MAF: variants seen among roughly 807,000 people sequenced by gnomAD.
MAF encodes the protein transcription factor Maf.
In MAF, 10 loss-of-function variants were observed where a neutral mutation model predicts 22.0. The observed-to-expected ratio is 0.45, with a 90% CI of 0.28 to 0.77. MAF has a LOEUF of 0.77. MAF is among the 30% of genes least tolerant of loss of function. MAF has a pLI of 0.12. For missense variants in MAF, 544 were observed against 548.4 expected, an observed-to-expected ratio of 0.99 and a Z score of 0.08; for synonymous variants, 337 against 255.8, an observed-to-expected ratio of 1.32 and a Z score of -3.03.
At chr16:79,380,812 C>A in the MAF span, among the ~76,000 whole-genome samples, 1 of 152,220 alleles carries the variant, frequency 6.6e-6, no homozygotes, top group Non-Finnish European at 1.5e-5. Flanking sequence ...GCCATTGACC[C>A]TACAGCTGTG....
the MAF span, among the ~76,000 whole-genome samples, chr16:79,466,890 G>A: frequency 6.6e-6 from 1 of 152,148 alleles, no homozygotes; most frequent in Non-Finnish European, 1.5e-5. Context: ...ACGGATCTGT[G>A]GCTTTTACCA....
chr16:79,402,826 G>A, the MAF span, among the ~76,000 whole-genome samples: 1 of 152,198 alleles, frequency 6.6e-6, no homozygotes. Flanking sequence ...GCCCATGCCT[G>A]GGTGTCCATG....
the MAF span, among the ~76,000 whole-genome samples, chr16:79,412,715 T>C: frequency 3.9e-4 from 60 of 152,152 alleles, no homozygotes; most frequent in Non-Finnish European, 7.2e-4. Context: ...GCAGTTGTTG[T>C]TAAGATCAAT....
At chr16:79,531,360 G>C in the MAF span, among the ~76,000 whole-genome samples, 1 of 152,202 alleles carries the variant, frequency 6.6e-6, no homozygotes, top group African/African-American at 2.4e-5. Context: ...CCAGGGACTA[G>C]TTTCATAAAA....
the MAF span, among the ~76,000 whole-genome samples, chr16:79,451,639 A>G: frequency 6.6e-6 from 1 of 152,262 alleles, no homozygotes; most frequent in Non-Finnish European, 1.5e-5. Context: ...GAGTCAGCAA[A>G]AAGTTTGAAG....
chr16:79,589,502 G>GA (rs559230359), downstream of MAF, among the ~76,000 whole-genome samples: 23 of 151,898 alleles, frequency 1.5e-4, no homozygotes, highest in East Asian at 2.9e-3. Context: ...AAAGAAAAAA[G>GA]AAAAAAAATC....
the MAF span, among the ~76,000 whole-genome samples, chr16:79,522,601 G>C: frequency 3.3e-5 from 5 of 152,266 alleles, no homozygotes; most frequent in East Asian, 9.7e-4. Context: ...TCAAGCCAGG[G>C]AGACAAATGC....
At chr16:79,590,223 G>A (rs139611524), downstream of MAF, among the ~76,000 whole-genome samples, 1 of 152,130 alleles carries the variant, frequency 6.6e-6, no homozygotes, top group Non-Finnish European at 1.5e-5. Context: ...GGGATGATGG[G>A]GGGGCATGGA....
At chr16:79,404,379 G>T in the MAF span, among the ~76,000 whole-genome samples, 2 of 152,198 alleles carry the variant, frequency 1.3e-5, no homozygotes, top group Middle Eastern at 3.4e-3. Context: ...GGCCAGGATA[G>T]TCTCGATCTC....
At chr16:79,520,493 G>A in the MAF span, among the ~76,000 whole-genome samples, 1 of 152,116 alleles carries the variant, frequency 6.6e-6, no homozygotes, top group African/African-American at 2.4e-5. Flanking sequence ...GTGCGTGTGT[G>A]TGTGTGTGCT....
downstream of MAF, among the ~76,000 whole-genome samples, chr16:79,590,140 T>C (rs1282352069): frequency 3.9e-5 from 6 of 151,984 alleles, no homozygotes; most frequent in African/African-American, 7.2e-5. Flanking sequence ...TCCAGGGCTA[T>C]TGGGCCCCGC....
At chr16:79,412,326 G>A in the MAF span, among the ~76,000 whole-genome samples, 1 of 152,184 alleles carries the variant, frequency 6.6e-6, no homozygotes, top group African/African-American at 2.4e-5. Context: ...GCAGGTGGCA[G>A]ATAAGCCACC....
At chr16:79,211,599 G>T in the MAF span, 2 of 1,614,164 alleles carry the variant, frequency 1.2e-6, no homozygotes, top group Non-Finnish European at 1.7e-6. Context: ...TTTCTTCTTG[G>T]ATTTCCAGCA....
the MAF span, among the ~76,000 whole-genome samples, chr16:79,524,907 C>T: frequency 5.3e-5 from 8 of 152,156 alleles, no homozygotes; most frequent in Non-Finnish European, 1.0e-4. Flanking sequence ...GTGGCCAACA[C>T]GCACACAGAT....
chr16:79,211,850 G>A, the MAF span: 34 of 1,608,606 alleles, frequency 2.1e-5, no homozygotes, highest in South Asian at 3.3e-5. Context: ...GTCCCCTCAC[G>A]CAAGTGCCAG....
At chr16:79,301,674 G>A in the MAF span, among the ~76,000 whole-genome samples, 1 of 152,016 alleles carries the variant, frequency 6.6e-6, no homozygotes, top group South Asian at 2.1e-4. Context: ...TGCATATAAT[G>A]TATTTTACTA....
At chr16:79,414,888 C>G in the MAF span, among the ~76,000 whole-genome samples, 3 of 152,254 alleles carry the variant, frequency 2.0e-5, no homozygotes, top group Non-Finnish European at 4.4e-5. Flanking sequence ...GTTGTCTTAG[C>G]ATTCTAAACT....
At chr16:79,253,729 G>T in the MAF span, among the ~76,000 whole-genome samples, 1 of 152,072 alleles carries the variant, frequency 6.6e-6, no homozygotes, top group Non-Finnish European at 1.5e-5. Flanking sequence ...TTTCTTGGGG[G>T]GACATTTCGA....
chr16:79,597,026 T>C, intron 1 of MAF: 3 of 1,055,972 alleles, frequency 2.8e-6, no homozygotes, highest in Non-Finnish European at 3.4e-6. Flanking sequence ...TTTCCCCTCT[T>C]AATACTTTGG....
Sources: allele counts gnomAD v4.1 joint callset (sites outside exome capture counted in the v4.1 genomes callset), GRCh38; gene constraint gnomAD v4.1.1; transcripts MANE v1.5; gene names NCBI Gene and HGNC (gene_info 2026-07-23, HGNC 2026-07-21).